The following TXNDC16 variants were observed in gnomAD, a reference collection of about 807,000 sequenced individuals.
TXNDC16 encodes the protein thioredoxin domain-containing protein 16.
A neutral mutation model predicts 85.6 loss-of-function variants in TXNDC16; 74 were observed. The observed-to-expected ratio is 0.86, with a 90% CI of 0.72 to 1.05. The LOEUF (loss-of-function observed/expected upper bound fraction) is 1.05. Among genes scored for constraint, TXNDC16 ranks in the 50% least tolerant of loss-of-function variants. The probability of loss-of-function intolerance (pLI) is 0.00; values close to 1 mark genes in which losing one functional copy is unlikely to be tolerated. For missense variants in TXNDC16, 959 were observed against 947.0 expected, an observed-to-expected ratio of 1.01 and a Z score of -0.17; for synonymous variants, 335 against 326.5, an observed-to-expected ratio of 1.03 and a Z score of -0.28.
intron 20 of TXNDC16, among the ~76,000 whole-genome samples, chr14:52,435,715 CTT>C (rs2035010104): frequency 1.3e-5 from 2 of 152,032 alleles, no homozygotes; most frequent in Admixed American, 1.3e-4. Flanking sequence ...AATCCCAACA[CTT>C]TGGGGGGCTG....
chr14:52,503,292 C>T (rs2036706786), intron 9 of TXNDC16, among the ~76,000 whole-genome samples: 1 of 152,238 alleles, frequency 6.6e-6, no homozygotes, highest in Non-Finnish European at 1.5e-5. Flanking sequence ...GGGTCCCTGA[C>T]CCCCAAGTAG....
chr14:52,478,410 T>C (rs908708999), intron 14 of TXNDC16, among the ~76,000 whole-genome samples: 20 of 151,368 alleles, frequency 1.3e-4, no homozygotes, highest in African/African-American at 4.8e-4. Context: ...CAAAGAAAAA[T>C]AAAACTGATA....
chr14:52,528,687 A>G (rs2037395634), intron 6 of TXNDC16, among the ~76,000 whole-genome samples: 1 of 150,866 alleles, frequency 6.6e-6, no homozygotes, highest in African/African-American at 2.4e-5. Context: ...CCTTATTATA[A>G]GTGAAATACT....
intron 18 of TXNDC16, among the ~76,000 whole-genome samples, chr14:52,453,030 T>G (rs1032590287): frequency 6.6e-6 from 1 of 152,090 alleles, no homozygotes; most frequent in Non-Finnish European, 1.5e-5. Context: ...AAGATCTGAA[T>G]AGACATTTCT....
At chr14:52,496,388 G>T (rs2036533243) in intron 9 of TXNDC16, among the ~76,000 whole-genome samples, 1 of 149,372 alleles carries the variant, frequency 6.7e-6, no homozygotes, top group South Asian at 2.1e-4. Context: ...TGGTTACAAA[G>T]TCTGGGCCTA....
At chr14:52,465,913 G>T (rs377647161) in intron 16 of TXNDC16, among the ~76,000 whole-genome samples, 1 of 152,042 alleles carries the variant, frequency 6.6e-6, no homozygotes, top group South Asian at 2.1e-4. Flanking sequence ...TCAAAAATAA[G>T]ATGAATTAAT....
intron 9 of TXNDC16, among the ~76,000 whole-genome samples, chr14:52,505,278 G>C (rs1303976902): frequency 6.6e-6 from 1 of 152,140 alleles, no homozygotes; most frequent in African/African-American, 2.4e-5. Flanking sequence ...ATTCTTTTCA[G>C]CACCACACCA....
intron 16 of TXNDC16, among the ~76,000 whole-genome samples, chr14:52,467,442 C>T (rs1274131553): frequency 6.6e-6 from 1 of 152,106 alleles, no homozygotes; most frequent in East Asian, 1.9e-4. Context: ...AAAGGAGTTA[C>T]AGACATTTCT....
Position 52,496,834 on chromosome 14 carries a change from C to T in TXNDC16, c.757-5829G>A, listed in dbSNP as rs551837065. 2.6e-5 allele frequency among the ~76,000 whole-genome samples: 4 copies of T among 152,058 alleles called. No homozygotes were observed. The East Asian group carries it at 5.8e-4, about 22-fold the overall frequency. ...ATATTTTGCTCAGGCTGGTCTCAAA[C>T]TCCTGACCTCAAGCGATCCACCCAA... On this transcript the variant is annotated intron_variant, in intron 9 of 20. Transcript: ENST00000281741.
At chr14:52,463,820 G>A (rs570755222) in intron 16 of TXNDC16, among the ~76,000 whole-genome samples, 15 of 152,266 alleles carry the variant, frequency 9.9e-5, no homozygotes, top group African/African-American at 3.6e-4. Context: ...ATATAGAAAT[G>A]TTAATAAATT....
At chr14:52,514,160 G>C (rs184487641) in intron 8 of TXNDC16, among the ~76,000 whole-genome samples, 1 of 152,048 alleles carries the variant, frequency 6.6e-6, no homozygotes, top group African/African-American at 2.4e-5. Flanking sequence ...TTATCAGTTT[G>C]CTATGCCCTA....
At chr14:52,504,902 A>G (rs548392287) in intron 9 of TXNDC16, among the ~76,000 whole-genome samples, 1 of 152,322 alleles carries the variant, frequency 6.6e-6, no homozygotes, top group East Asian at 1.9e-4. Flanking sequence ...GAAAACAAAA[A>G]AAGGCAGGGG....
chr14:52,542,345 T>G (rs1468379989), intron 4 of TXNDC16, 26 bp downstream of exon 4: 1 of 1,502,492 alleles, frequency 6.7e-7, no homozygotes, highest in Non-Finnish European at 9.2e-7. Flanking sequence ...GTCACTAATA[T>G]TTTAGTAACA....
intron 7 of TXNDC16, among the ~76,000 whole-genome samples, chr14:52,517,157 C>T (rs1294851332): frequency 6.6e-6 from 1 of 152,116 alleles, no homozygotes; most frequent in Non-Finnish European, 1.5e-5. Flanking sequence ...TAGGTCCTCC[C>T]GCTCTGGTCT....
At chr14:52,517,518 C>A (rs548019608) in intron 7 of TXNDC16, among the ~76,000 whole-genome samples, 1 of 151,996 alleles carries the variant, frequency 6.6e-6, no homozygotes, top group South Asian at 2.1e-4. Context: ...AAAAACAAAC[C>A]AAAAAACGTT....
intron 9 of TXNDC16, among the ~76,000 whole-genome samples, chr14:52,491,680 T>C (rs950057001): frequency 1.2e-4 from 18 of 152,114 alleles, no homozygotes; most frequent in Admixed American, 9.8e-4. Flanking sequence ...TCATTAAGAA[T>C]TTAACATATA....
intron 4 of TXNDC16, among the ~76,000 whole-genome samples, chr14:52,541,082 A>G (rs1162358713): frequency 6.6e-6 from 1 of 152,154 alleles, no homozygotes; most frequent in Non-Finnish European, 1.5e-5. Context: ...CTAAAAATAT[A>G]AAAATTAGCC....
chr14:52,501,929 C>T (rs1014028751), intron 9 of TXNDC16, among the ~76,000 whole-genome samples: 20 of 152,232 alleles, frequency 1.3e-4, no homozygotes, highest in Non-Finnish European at 2.5e-4. Flanking sequence ...CTAATTCCAC[C>T]GGGGTAAGCC....
At chr14:52,535,243 AC>A (rs999013913) in intron 6 of TXNDC16, among the ~76,000 whole-genome samples, 1 of 152,060 alleles carries the variant, frequency 6.6e-6, no homozygotes, top group Admixed American at 6.6e-5. Context: ...GCTTCACAGA[AC>A]CCCCACCATC....
Sources: allele counts gnomAD v4.1 joint callset (sites outside exome capture counted in the v4.1 genomes callset), GRCh38; gene constraint gnomAD v4.1.1; transcripts MANE v1.5; gene names NCBI Gene and HGNC (gene_info 2026-07-23, HGNC 2026-07-21).